The following DSC3 variants were observed in gnomAD, a reference collection of about 807,000 sequenced individuals.
DSC3 encodes the protein desmocollin 3.
A neutral mutation model predicts 89.5 loss-of-function variants in DSC3; 97 were observed. The ratio of observed to expected loss-of-function variants is 1.08; its 90% CI spans 0.92 to 1.28. DSC3 has a LOEUF of 1.28. Ranked by LOEUF, DSC3 falls within the 50% of genes most tolerant of loss-of-function variation. The pLI, the probability that DSC3 is intolerant of heterozygous loss-of-function variation, is 0.00. For missense variants in DSC3, 1,199 were observed against 1,085.3 expected (o/e 1.10, Z -1.47); for synonymous variants, 436 against 384.1 (o/e 1.14, Z -1.58).
chr18:31,022,302 A>G (rs976337803), intron 7 of DSC3, 34 bp downstream of exon 7: 13 of 1,613,450 alleles, frequency 8.1e-6, no homozygotes, highest in Admixed American at 1.7e-5. Flanking sequence ...CTTAATCCTC[A>G]GCGAAATGAA....
chr18:31,001,453 T>A (rs1475383163), intron 14 of DSC3, among the ~76,000 whole-genome samples, 165 bp downstream of exon 14: 1 of 152,058 alleles, frequency 6.6e-6, no homozygotes, highest in Non-Finnish European at 1.5e-5. Context: ...AGAAGTTTAA[T>A]AAATTACCAC....
intron 4 of DSC3, among the ~76,000 whole-genome samples, chr18:31,026,419 T>A (rs1051167955): frequency 2.0e-5 from 3 of 152,078 alleles, no homozygotes; most frequent in East Asian, 3.9e-4. Flanking sequence ...CTGATTTATA[T>A]CCTTAAAGGT....
In DSC3 at chr18:31,027,398, G is replaced by GT. The variant is rs971566137; in HGVS notation, c.475-1484dup. ...GTTTATGTTTCTTTCTTTCTTTGAG[G>GT]TAGGCAGGTGTCTCATTTTTGCTAC... On this transcript the variant is annotated intron_variant, in intron 4 of 15. Coordinates refer to ENST00000360428, the MANE Select transcript of DSC3 (RefSeq NM_001941.5). Among the ~76,000 whole-genome samples, 238 of 152,104 alleles carry GT rather than the reference G, an allele frequency of 1.6e-3. 1 individual carries two copies. The highest frequency in any genetic ancestry group is 5.5e-3 in the African/African-American group (230 of 41,508).
Position 31,010,220 on chromosome 18 carries a change from T to A in DSC3, c.1264-1695A>T, listed in dbSNP as rs540034128. On this transcript the variant is annotated intron_variant, in intron 9 of 15. Transcript: ENST00000360428. Reference sequence around the variant, plus strand: ...CTACAAAACATATGTAAAACCTTTTTTTATTTTGTATGTATATCCCACAAA... The same window carrying A: ...CTACAAAACATATGTAAAACCTTTTATTATTTTGTATGTATATCCCACAAA... Among the ~76,000 whole-genome samples the A allele has an allele frequency of 9.2e-5, 14 of 152,358 alleles. 1 individual carries two copies. The South Asian group carries it at 2.5e-3, about 27-fold the overall frequency.
At position 31,027,708 on chromosome 18, in the gene DSC3, G is replaced by A. The variant is rs1177635625; in HGVS notation, c.475-1793C>T. 2.0e-5 allele frequency among the ~76,000 whole-genome samples: 3 copies of A among 152,082 alleles called. No homozygotes were observed. In the East Asian group the frequency reaches 5.8e-4, roughly 29 times the overall value. On this transcript the variant is annotated intron_variant, in intron 4 of 15. Transcript: ENST00000360428. ...CTCAGAATAATGTCTTCTCTATTAT[G>A]GAGAAAGCAATATGTCCCTTGGTTG...
At chr18:31,009,373 C>T (rs1224677440) in intron 9 of DSC3, among the ~76,000 whole-genome samples, 1 of 152,122 alleles carries the variant, frequency 6.6e-6, no homozygotes, top group Middle Eastern at 3.4e-3. Context: ...GTTTTAATTG[C>T]CCTCTAAGGC....
chr18:31,039,829 G>A (rs12455894), intron 1 of DSC3, among the ~76,000 whole-genome samples: 14,403 of 152,104 alleles, frequency 0.095, 783 homozygotes, highest in Non-Finnish European at 0.11. Context: ...CTTTTAATAA[G>A]GTAGCTGATA....
At position 30,994,383 on chromosome 18, in the gene DSC3, T is replaced by G; in HGVS notation, c.2494-11A>C. The G allele has an allele frequency of 6.2e-7, 1 of 1,612,864 alleles. No homozygotes were observed. The highest frequency in any genetic ancestry group is 2.2e-5 in the East Asian group (1 of 44,844). ...ACATCGATGCAATTTCTGTAAAATTTTTTAAAAAATGAATTGCATTATAGT... is the reference window on the plus strand; with the variant it reads ...ACATCGATGCAATTTCTGTAAAATTGTTTAAAAAATGAATTGCATTATAGT... On this transcript the variant is annotated splice_polypyrimidine_tract_variant and intron_variant, in intron 15 of 15. Transcript: ENST00000360428.
chr18:31,008,340 G>C lies in DSC3; in HGVS notation c.1449C>G (p.Asn483Lys). The C allele has an allele frequency of 2.5e-6, 4 of 1,614,114 alleles. No individual in the cohort carries two copies. The highest frequency in any genetic ancestry group is 3.4e-6 in the Non-Finnish European group (4 of 1,180,010). Residue 483 changes from asparagine to lysine, a missense_variant, in exon 10 of 16, where the codon AAC (asparagine) becomes AAG (lysine). Coordinates refer to ENST00000360428, the MANE Select transcript of DSC3 (RefSeq NM_001941.5). ...CGTTGATCTTTGACCCCACTGCTAAGTTTTCTTTAATCCGCACATATTGGG... is the reference window on the plus strand; with the variant it reads ...CGTTGATCTTTGACCCCACTGCTAACTTTTCTTTAATCCGCACATATTGGG... ...PAAQYVRIKENLAVGSKINGY... is the reference protein window; with the variant it reads ...PAAQYVRIKEKLAVGSKINGY...
At chr18:31,010,944 A>G (rs1355324288) in intron 9 of DSC3, among the ~76,000 whole-genome samples, 2 of 152,218 alleles carry the variant, frequency 1.3e-5, no homozygotes, top group Non-Finnish European at 2.9e-5. Context: ...TAAAATAATA[A>G]TATCCCACAG....
At position 31,008,123 on chromosome 18, in the gene DSC3, G is replaced by A; in HGVS notation, c.1556C>T (p.Thr519Ile). 2.5e-6 allele frequency: 4 copies of A among 1,612,312 alleles called. No homozygotes were observed. The highest frequency in any genetic ancestry group is 3.4e-6 in the Non-Finnish European group (4 of 1,179,230). The change falls in exon 11 of 16, where the codon ACC becomes ATC. Residue 519 changes from threonine (T) to isoleucine (I), a missense_variant. Thr to Ile is a moderately conservative substitution (Grantham distance 89). Coordinates refer to ENST00000360428, the MANE Select transcript of DSC3 (RefSeq NM_001941.5). Reference protein sequence around the residue: ...KKLHDPKGWITIDEISGSIIT... With the variant: ...KKLHDPKGWIIIDEISGSIIT... ...GATTGACCCTGAAATTTCATCAATG[G>A]TGATCCAACCTTTAGGATCATGCAA...
chr18:30,995,015 T>A (rs979809305), intron 15 of DSC3, among the ~76,000 whole-genome samples: 2 of 152,124 alleles, frequency 1.3e-5, no homozygotes, highest in African/African-American at 2.4e-5. Context: ...AATATATACA[T>A]GCATCGAAAA....
Position 31,025,895 on chromosome 18 carries a change from C to G in DSC3, c.495G>C (p.Gln165His). 1 of 1,612,646 alleles carries G rather than the reference C, an allele frequency of 6.2e-7. No homozygotes were observed. Among genetic ancestry groups the G allele is most frequent in the East Asian group, 2.2e-5 (1 of 44,808 alleles). Residue 165 changes from glutamine to histidine, a missense_variant, in exon 5 of 16, where the codon CAG becomes CAC. Gln to His is a conservative substitution (Grantham distance 24). Coordinates refer to ENST00000360428, the MANE Select transcript of DSC3 (RefSeq NM_001941.5). The stretch of plus-strand genomic sequence containing the variant: ...TTATTGAGTAGAAGACAGTATAGTT[C>G]TGTGCTGCATCAGATTCAACCTAAA... ...FLQQVESDAA[Q>H]NYTVFYSISG...
intron 9 of DSC3, among the ~76,000 whole-genome samples, chr18:31,009,875 C>T (rs7229686): frequency 0.14 from 21,195 of 152,152 alleles, 1,925 homozygotes; most frequent in African/African-American, 0.26. Flanking sequence ...CGCTATAATC[C>T]CTCTGCTATC....
In DSC3 at chr18:30,994,112, T is replaced by C. The variant is rs1475876084; in HGVS notation, c.*63A>G. 3 of 1,503,706 alleles carry C rather than the reference T, an allele frequency of 2.0e-6. No individual in the cohort carries two copies. Among genetic ancestry groups the C allele is most frequent in the Non-Finnish European group, 2.8e-6 (3 of 1,082,000 alleles). The allele number at this position is 1,503,706 out of a possible 1,614,324, so 93.1% of individuals were successfully genotyped here. A position where few individuals can be genotyped will look rare whatever the true frequency, so the allele number is the denominator to read the frequency against. ...ATACATACATGTTGAAATTGAACTTTACAATATTATTTTTGGAAACCTCCA... is the reference window on the plus strand; with the variant it reads ...ATACATACATGTTGAAATTGAACTTCACAATATTATTTTTGGAAACCTCCA... On this transcript the variant is annotated 3_prime_UTR_variant, in exon 16 of 16. Coordinates refer to ENST00000360428, the MANE Select transcript of DSC3 (RefSeq NM_001941.5).
chr18:31,006,975 G>A lies in DSC3; in HGVS notation c.1820C>T (p.Pro607Leu). 6.2e-6 allele frequency: 10 copies of A among 1,613,882 alleles called. No homozygotes were observed. The highest frequency in any genetic ancestry group is 8.5e-6 in the Non-Finnish European group (10 of 1,179,932). Residue 607 changes from proline (P) to leucine (L), a missense_variant, in exon 12 of 16, where the codon CCA becomes CTA. Physicochemically the swap from Pro to Leu is moderately conservative, Grantham distance 98. Coordinates refer to ENST00000360428, the MANE Select transcript of DSC3 (RefSeq NM_001941.5). ...VDPDEPVHGA[P>L]FYFSLPNTSP... ...AGTATTGGGCAAACTGAAATAAAAT[G>A]GAGCTCCATGGACAGGTTCATCAGG...
chr18:31,018,582 A>C, intron 8 of DSC3, 84 bp downstream of exon 8: 1 of 1,418,550 alleles, frequency 7.0e-7, no homozygotes, highest in Non-Finnish European at 9.9e-7. Flanking sequence ...ATGATACTTC[A>C]TGAAGTATTA....
rs770833701 is a variant in DSC3, at chr18:30,994,290, G to A, written c.2576C>T (p.Ser859Phe). 30 of 1,613,978 alleles carry A rather than the reference G, an allele frequency of 1.9e-5. No homozygotes were observed. In the South Asian group the frequency reaches 3.1e-4, roughly 17 times the overall value. ...VLTYNYEGRG[S>F]PAGSVGCCSE... ...GCAGCAGCCCACAGAACCAGCTGGA[G>A]ATCCTCTTCCCTCATAGTTATAAGT... The change falls in exon 16 of 16, where the codon TCT becomes TTT. Residue 859 changes from serine (S) to phenylalanine (F), a missense_variant. Coordinates refer to ENST00000360428, the MANE Select transcript of DSC3 (RefSeq NM_001941.5).
intron 15 of DSC3, among the ~76,000 whole-genome samples, chr18:30,995,661 T>C (rs1389053717): frequency 6.6e-6 from 1 of 152,098 alleles, no homozygotes. Flanking sequence ...CAGCCATTAG[T>C]TATGTTTTAA....
Sources: gnomAD v4.1 joint callset for allele counts (sites outside exome capture counted in the v4.1 genomes callset) on GRCh38, gnomAD v4.1.1 for gene constraint, MANE v1.5 for transcripts, NCBI Gene and HGNC (gene_info 2026-07-23, HGNC 2026-07-21) for gene names.